ABCD3: variants seen among roughly 807,000 people sequenced by gnomAD.
ABCD3 encodes the protein ATP binding cassette subfamily D member 3, also known as ATP-binding cassette sub-family D member 3.
Under a neutral mutation model 105.5 loss-of-function variants are expected in ABCD3, and 41 were observed. The ratio of observed to expected loss-of-function variants is 0.39; its 90% CI spans 0.30 to 0.50. The LOEUF (loss-of-function observed/expected upper bound fraction) is 0.50. ABCD3 is among the 20% of genes least tolerant of loss of function. The probability of loss-of-function intolerance (pLI) is 0.84; values close to 1 mark genes in which losing one functional copy is unlikely to be tolerated. For missense variants in ABCD3, 622 were observed against 806.3 expected (o/e 0.77, Z 2.77); for synonymous variants, 258 against 269.0 (o/e 0.96, Z 0.40).
At chr1:94,411,740 C>CTATGCAAATAA in the ABCD3 span, among the ~76,000 whole-genome samples, 2 of 152,102 alleles carry the variant, frequency 1.3e-5, no homozygotes, top group Non-Finnish European at 2.9e-5. Flanking sequence ...GTAGAAACAA[C>CTATGCAAATAA]CCAAATGTGC....
the ABCD3 span, among the ~76,000 whole-genome samples, chr1:94,386,949 G>A: frequency 6.6e-6 from 1 of 152,144 alleles, no homozygotes; most frequent in African/African-American, 2.4e-5. Flanking sequence ...TTTTAGAATT[G>A]TGTCTCTGAG....
chr1:94,496,712 T>TTG (rs1017181709), intron 16 of ABCD3, among the ~76,000 whole-genome samples: 1 of 137,894 alleles, frequency 7.3e-6, no homozygotes, highest in Non-Finnish European at 1.6e-5. Flanking sequence ...TTTTTTTTTT[T>TTG]TTTTTTTTTT....
At chr1:94,415,163 A>T (rs1658974392), upstream of ABCD3, among the ~76,000 whole-genome samples, 1 of 152,204 alleles carries the variant, frequency 6.6e-6, no homozygotes, top group African/African-American at 2.4e-5. Context: ...TGGCCTTTGA[A>T]GTCACATAGC....
intron 1 of ABCD3, among the ~76,000 whole-genome samples, chr1:94,448,197 TGATAGGAAACGGGAG>T (rs1316665159): frequency 2.6e-5 from 4 of 152,266 alleles, no homozygotes; most frequent in African/African-American, 9.6e-5. Flanking sequence ...ATTGCTACTA[TGATAGGAAACGGGAG>T]AACTCGGATT....
intron 13 of ABCD3, 132 bp downstream of exon 13, chr1:94,488,115 T>C: frequency 1.3e-6 from 1 of 784,616 alleles, no homozygotes; most frequent in South Asian, 1.8e-5. Flanking sequence ...TGATAGAAAA[T>C]TAAGGAAGAT....
chr1:94,475,225 A>T lies in ABCD3; in HGVS notation c.488A>T (p.Tyr163Phe). ...CGAGTAAGGCTCACTAAATACCTCT[A>T]TGAGGAGTATCTTCAGTAAGTGATA... The part of the protein sequence containing the change: ...CFRVRLTKYL[Y>F]EEYLQAFTYY... Residue 163 changes from tyrosine to phenylalanine, a missense_variant, in exon 6 of 23, where the codon TAT becomes TTT. This residue lies in a region of ABCD3 where 245 missense variants were observed against 356.4 expected (regional missense o/e 0.69). Transcript: ENST00000370214. The T allele has an allele frequency of 6.3e-7, 1 of 1,588,072 alleles. No individual in the cohort carries two copies. The highest frequency in any genetic ancestry group is 8.6e-7 in the Non-Finnish European group (1 of 1,162,400).
chr1:94,499,614 G>T lies in ABCD3; in HGVS notation c.1740G>T (p.Ala580=), dbSNP rs775452501. 1 of 1,613,326 alleles carries T rather than the reference G, an allele frequency of 6.2e-7. No homozygotes were observed. The highest frequency in any genetic ancestry group is 1.7e-5 in the Admixed American group (1 of 59,956). ...VLSGGEKQRM[A]MARLFYHKPQ... Reference sequence around the variant, plus strand: ...GTGGTGGAGAAAAGCAAAGAATGGCGGTAAGTATACTGTGAAGAAGTTGCA... The same window carrying T: ...GTGGTGGAGAAAAGCAAAGAATGGCTGTAAGTATACTGTGAAGAAGTTGCA... The change falls in exon 20 of 23, where the codon GCG becomes GCT. Residue 580 remains alanine (A), a splice_region_variant and synonymous_variant. Coordinates refer to ENST00000370214, the MANE Select transcript of ABCD3 (RefSeq NM_002858.4).
At chr1:94,513,404 T>G (rs1340799184) in intron 21 of ABCD3, 1 of 152,062 alleles carries the variant, frequency 6.6e-6, no homozygotes, top group African/African-American at 2.4e-5. Flanking sequence ...TCAGTTCCAT[T>G]TAAAAGAAAA....
chr1:94,406,608 T>C, the ABCD3 span: 3 of 209,734 alleles, frequency 1.4e-5, no homozygotes, highest in Non-Finnish European at 2.9e-5. Flanking sequence ...ATGTGCTCAG[T>C]ACACACACTG....
At chr1:94,515,235 A>C (rs1251558824) in intron 22 of ABCD3, 33 bp downstream of exon 22, 1 of 1,538,268 alleles carries the variant, frequency 6.5e-7, no homozygotes, top group Admixed American at 1.7e-5. Flanking sequence ...GGTACAGTGA[A>C]ATTTTATTTT....
intron 1 of ABCD3, among the ~76,000 whole-genome samples, chr1:94,433,449 C>T (rs778559285): frequency 1.8e-4 from 28 of 151,982 alleles, no homozygotes; most frequent in African/African-American, 2.9e-4. Flanking sequence ...CCACCACGCC[C>T]GGCCCGGTTA....
At chr1:94,512,322 T>C (rs1237271901) in intron 21 of ABCD3, among the ~76,000 whole-genome samples, 1 of 151,966 alleles carries the variant, frequency 6.6e-6, no homozygotes, top group African/African-American at 2.4e-5. Context: ...CTCATTGATA[T>C]ATAAATGAGA....
intron 2 of ABCD3, among the ~76,000 whole-genome samples, chr1:94,459,780 C>T (rs1647777792): frequency 6.6e-6 from 1 of 152,160 alleles, no homozygotes; most frequent in Non-Finnish European, 1.5e-5. Context: ...CCCTCTTCCC[C>T]CAATCCCTGG....
intron 4 of ABCD3, among the ~76,000 whole-genome samples, chr1:94,472,563 T>G (rs1253048476): frequency 6.6e-6 from 1 of 152,074 alleles, no homozygotes; most frequent in African/African-American, 2.4e-5. Context: ...TTCTGTGGAA[T>G]CTTGGCTATG....
At chr1:94,437,759 T>C (rs568104118) in intron 1 of ABCD3, among the ~76,000 whole-genome samples, 17 of 152,184 alleles carry the variant, frequency 1.1e-4, no homozygotes, top group Admixed American at 7.2e-4. Flanking sequence ...GTTAAATAAA[T>C]AGAAAACCTG....
chr1:94,445,473 G>A (rs902015613), intron 1 of ABCD3, among the ~76,000 whole-genome samples: 3 of 152,268 alleles, frequency 2.0e-5, no homozygotes, highest in East Asian at 3.9e-4. Context: ...GCTCTGGTTC[G>A]TTCCACCTTG....
chr1:94,478,159 A>G (rs1222867948), intron 7 of ABCD3, 100 bp from the exon 8 acceptor site: 4 of 745,564 alleles, frequency 5.4e-6, no homozygotes, highest in Admixed American at 4.4e-5. Flanking sequence ...TGATAATTAT[A>G]TATTAAATGT....
chr1:94,403,488 G>T, the ABCD3 span, among the ~76,000 whole-genome samples: 1 of 152,182 alleles, frequency 6.6e-6, no homozygotes, highest in East Asian at 1.9e-4. Flanking sequence ...AGTCTTGCCT[G>T]ATTCAATTTC....
At chr1:94,514,938 C>A in intron 21 of ABCD3, 1 of 538,112 alleles carries the variant, frequency 1.9e-6, no homozygotes, top group Non-Finnish European at 3.3e-6. Context: ...CACTTAATGC[C>A]AGTACCTGGT....
Sources: gnomAD v4.1 joint callset for allele counts (sites outside exome capture counted in the v4.1 genomes callset) on GRCh38, gnomAD v4.1.1 for gene constraint, gnomAD v4.1.1 regional missense constraint, MANE v1.5 for transcripts, NCBI Gene and HGNC (gene_info 2026-07-23, HGNC 2026-07-21) for gene names.